Variants in CAPN7 observed in about 807,000 individuals in gnomAD.
CAPN7 encodes the protein calpain-7.
Under a neutral mutation model 115.2 loss-of-function variants are expected in CAPN7, and 72 were observed. The ratio of observed to expected loss-of-function variants is 0.63; its 90% CI spans 0.52 to 0.76. The LOEUF (loss-of-function observed/expected upper bound fraction) is 0.76, where lower values mean the gene tolerates loss of function less well. Among genes scored for constraint, CAPN7 ranks in the 30% least tolerant of loss-of-function variants. CAPN7 has a pLI of 0.00. For synonymous variants in CAPN7, 344 were observed against 322.3 expected (o/e 1.07, Z -0.72); for missense variants, 905 against 971.5 (o/e 0.93, Z 0.91).
chr3:15,213,448 A>G (rs951863812), intron 2 of CAPN7, among the ~76,000 whole-genome samples: 2 of 152,258 alleles, frequency 1.3e-5, no homozygotes, highest in African/African-American at 4.8e-5. Context: ...TTGCACTATC[A>G]TGGAAACCCC....
intron 12 of CAPN7, among the ~76,000 whole-genome samples, chr3:15,235,700 A>G (rs543664235): frequency 1.1e-3 from 168 of 152,188 alleles, no homozygotes; most frequent in African/African-American, 3.9e-3. Context: ...TAATGCCACC[A>G]CTGATCTGAC....
chr3:15,243,487 A>G (rs949146575), intron 16 of CAPN7, among the ~76,000 whole-genome samples: 1 of 152,298 alleles, frequency 6.6e-6, no homozygotes, highest in Admixed American at 6.5e-5. Context: ...TCACCTGTGA[A>G]GAGAGTTGTG....
In CAPN7 at chr3:15,209,979, A is replaced by G. The variant is rs539364457; in HGVS notation, c.103-2125A>G. On this transcript the variant is annotated intron_variant, in intron 1 of 20. Coordinates refer to ENST00000253693, the MANE Select transcript of CAPN7 (RefSeq NM_014296.3). ...AAATGAAATGAGTAAAATAAAATTG[A>G]CACCAGCAGTTTTTTAAATTGGCTT... Among the ~76,000 whole-genome samples, 545 of 152,306 alleles carry G rather than the reference A, an allele frequency of 3.6e-3. 4 individuals are homozygous for G. The highest frequency in any genetic ancestry group is 0.013 in the African/African-American group (526 of 41,564).
chr3:15,228,948 AAT>A, intron 7 of CAPN7, 24 bp from the exon 8 acceptor site: 1 of 1,530,392 alleles, frequency 6.5e-7, no homozygotes, highest in Non-Finnish European at 9.0e-7. Flanking sequence ...AATGAATATG[AAT>A]ATGTTAATTA....
chr3:15,228,888 T>G, intron 7 of CAPN7, 86 bp from the exon 8 acceptor site: 1 of 941,756 alleles, frequency 1.1e-6, no homozygotes. Flanking sequence ...GTATAAAAAG[T>G]AGGTACTTGG....
At chr3:15,232,696 G>A in intron 10 of CAPN7, 31 bp downstream of exon 10, 1 of 1,556,808 alleles carries the variant, frequency 6.4e-7, no homozygotes, top group Non-Finnish European at 8.6e-7. Flanking sequence ...TCCAGACACA[G>A]ATTTAAGCTA....
intron 16 of CAPN7, among the ~76,000 whole-genome samples, chr3:15,244,019 G>A (rs1236155419): frequency 6.6e-6 from 1 of 152,236 alleles, no homozygotes; most frequent in Non-Finnish European, 1.5e-5. Context: ...AACAGGCATA[G>A]TGGAGAGGTG....
At chr3:15,230,349 AGACGG>A in intron 8 of CAPN7, 88 bp from the exon 9 acceptor site, 1 of 688,006 alleles carries the variant, frequency 1.5e-6, no homozygotes, top group Non-Finnish European at 2.4e-6. Flanking sequence ...GAAATTGCCA[AGACGG>A]TAGTATATAC....
In CAPN7 at chr3:15,217,425, TTCAG is replaced by T. The variant is rs1231338873; in HGVS notation, c.216_219del (p.Ser73ArgfsTer6). On this transcript the variant is annotated frameshift_variant and splice_region_variant, in exon 3 of 21. Transcript: ENST00000253693. LOFTEE classifies it high-confidence loss of function. ...CTGCGTATTTTTTTTTCTATCCTAG[TTCAG>T]TCAAAGAGTGCTGATCCTTTGAAGT... is the stretch of plus-strand genomic sequence containing the variant. The T allele has an allele frequency of 3.7e-6, 6 of 1,608,272 alleles. No individual in the cohort carries two copies. Among genetic ancestry groups the T allele is most frequent in the Admixed American group, 1.7e-5 (1 of 59,034 alleles).
At chr3:15,209,161 C>T (rs1480995919) in intron 1 of CAPN7, among the ~76,000 whole-genome samples, 1 of 152,104 alleles carries the variant, frequency 6.6e-6, no homozygotes, top group Non-Finnish European at 1.5e-5. Context: ...CAGGCATGCA[C>T]CACCACCCCC....
At chr3:15,235,999 C>T (rs1022183904) in intron 12 of CAPN7, among the ~76,000 whole-genome samples, 2 of 151,982 alleles carry the variant, frequency 1.3e-5, no homozygotes, top group African/African-American at 2.4e-5. Flanking sequence ...TAAGACCCCA[C>T]CGCTACAAAA....
chr3:15,249,973 C>G (rs1695905672), intron 19 of CAPN7, among the ~76,000 whole-genome samples: 1 of 151,708 alleles, frequency 6.6e-6, no homozygotes, highest in Non-Finnish European at 1.5e-5. Context: ...ACATGTTGGC[C>G]AGGATGCTCT....
At position 15,206,548 on chromosome 3, in the gene CAPN7, TTCAGCGCGACCACGAAG is replaced by T; in HGVS notation, c.54_70del (p.Gln19ProfsTer20). The T allele has an allele frequency of 1.9e-6, 3 of 1,556,468 alleles. No homozygotes were observed. The highest frequency in any genetic ancestry group is 1.9e-5 in the Admixed American group (1 of 51,646). On this transcript the variant is annotated frameshift_variant, in exon 1 of 21. Transcript: ENST00000253693. LOFTEE classifies it high-confidence loss of function. ...GCTGTGCAGTTCGCCCGTCTGGCGG[TTCAGCGCGACCACGAAG>T]GCCGCTACTCCGAGGCGGTGTTTTA...
Position 15,227,858 on chromosome 3 carries a change from C to A in CAPN7, c.745C>A (p.Pro249Thr). ...MPFCDRWGKL[P>T]LSPKQKTTFS... ...CCTCAGTGATAGATGGGGCAAGCTA[C>A]CATTATCACCTAAACAAAAAACTAC... The change falls in exon 7 of 21, where the codon CCA becomes ACA. Residue 249 changes from proline to threonine, a missense_variant. By Grantham distance (38) the Pro-to-Thr change is conservative. Transcript: ENST00000253693. 1 of 1,535,872 alleles carries A rather than the reference C, an allele frequency of 6.5e-7. No individual in the cohort carries two copies. The highest frequency in any genetic ancestry group is 8.8e-7 in the Non-Finnish European group (1 of 1,140,326).
intron 1 of CAPN7, among the ~76,000 whole-genome samples, chr3:15,207,885 C>G (rs2044720764): frequency 6.6e-6 from 1 of 152,092 alleles, no homozygotes; most frequent in Non-Finnish European, 1.5e-5. Flanking sequence ...AGTATACTAA[C>G]AGTACATAGT....
At chr3:15,229,860 A>G (rs1344300737) in intron 8 of CAPN7, among the ~76,000 whole-genome samples, 1 of 152,202 alleles carries the variant, frequency 6.6e-6, no homozygotes, top group Non-Finnish European at 1.5e-5. Flanking sequence ...AAAATCATTC[A>G]TTGCAAAAAC....
At chr3:15,215,156 G>T (rs1419877558) in intron 2 of CAPN7, among the ~76,000 whole-genome samples, 1 of 152,190 alleles carries the variant, frequency 6.6e-6, no homozygotes, top group Non-Finnish European at 1.5e-5. Flanking sequence ...TGGGCACAGT[G>T]GTGAGTGCCT....
chr3:15,249,923 C>T (rs112465292), intron 19 of CAPN7, among the ~76,000 whole-genome samples: 7,393 of 151,700 alleles, frequency 0.049, 619 homozygotes, highest in African/African-American at 0.17. Context: ...CACCACCATG[C>T]GCAGCTAATT....
At position 15,230,200 on chromosome 3, in the gene CAPN7, A is replaced by C. The variant is rs567613098; in HGVS notation, c.939-242A>C. 3.9e-5 allele frequency among the ~76,000 whole-genome samples: 6 copies of C among 152,344 alleles called. No homozygotes were observed. In the South Asian group the frequency reaches 1.2e-3, roughly 32 times the overall value. ...TAGGGTATGTAAGTTAACATTGAGC[A>C]CTTTTCAGAGTATTTTGAAATTTAT... On this transcript the variant is annotated intron_variant, in intron 8 of 20. Transcript: ENST00000253693.
Sources: allele counts gnomAD v4.1 joint callset (sites outside exome capture counted in the v4.1 genomes callset), GRCh38; gene constraint gnomAD v4.1.1; transcripts MANE v1.5; gene names NCBI Gene and HGNC (gene_info 2026-07-23, HGNC 2026-07-21).